Variants in AFDN observed in about 807,000 individuals in gnomAD.
AFDN encodes the protein afadin.
AFDN carries 68 observed loss-of-function variants against 216.6 expected under a neutral mutation model. The ratio of observed to expected loss-of-function variants is 0.31; its 90% CI spans 0.26 to 0.38. The LOEUF (loss-of-function observed/expected upper bound fraction) is 0.38, where lower values mean the gene tolerates loss of function less well. Among genes scored for constraint, AFDN ranks in the 10% least tolerant of loss-of-function variants. The probability of loss-of-function intolerance (pLI) is 1.00; values close to 1 mark genes in which losing one functional copy is unlikely to be tolerated. For synonymous variants in AFDN, 868 were observed against 853.7 expected (o/e 1.02, Z -0.29); for missense variants, 2,136 against 2,342.0 (o/e 0.91, Z 1.82).
intron 23 of AFDN, among the ~76,000 whole-genome samples, chr6:167,934,323 GCTGGGGGTAACTTAC>G (rs1445547969): frequency 2.0e-5 from 3 of 152,166 alleles, no homozygotes; most frequent in African/African-American, 7.2e-5. Context: ...CACCAAACCT[GCTGGGGGTAACTTAC>G]CATGGACTTC....
chr6:167,915,124 G>C, intron 18 of AFDN, 44 bp from the exon 19 acceptor site: 6 of 1,600,778 alleles, frequency 3.7e-6, no homozygotes, highest in Non-Finnish European at 5.1e-6. Flanking sequence ...GCTTCTTCCT[G>C]GATGACATTT....
rs779905129 is a variant in AFDN at position 167,896,986 on chromosome 6, G to A, written c.1317+14G>A. ...AACTCTATCCAGGTACGTAGTCTGA[G>A]CTTCCTGCTGCAACTCTGACATTCC... On this transcript the variant is annotated intron_variant, in intron 10 of 33. Transcript: ENST00000683244. 135 of 1,477,628 alleles carry A rather than the reference G, an allele frequency of 9.1e-5. No individual in the cohort carries two copies. Among genetic ancestry groups the A allele is most frequent in the East Asian group, 8.1e-4 (36 of 44,234 alleles). 91.5% of individuals were successfully genotyped at this position (1,477,628 alleles called of 1,614,324 possible).
At chr6:167,872,180 G>A in intron 3 of AFDN, 34 bp from the exon 4 acceptor site, 1 of 1,589,210 alleles carries the variant, frequency 6.3e-7, no homozygotes, top group South Asian at 1.2e-5. Context: ...ATTCTGCATA[G>A]TAGTCAATAT....
chr6:167,925,133 T>C, intron 23 of AFDN, 42 bp downstream of exon 23: 1 of 1,399,526 alleles, frequency 7.1e-7, no homozygotes, highest in Non-Finnish European at 1.0e-6. Flanking sequence ...CTCCAGTCTT[T>C]CGGCATTGAA....
At chr6:167,947,203 C>T (rs1479035150) in intron 27 of AFDN, among the ~76,000 whole-genome samples, 2 of 148,816 alleles carry the variant, frequency 1.3e-5, no homozygotes, top group South Asian at 2.1e-4. Flanking sequence ...GAGACGGAGT[C>T]TCACTCTCTC....
chr6:167,872,747 A>C (rs1329527936), intron 4 of AFDN, among the ~76,000 whole-genome samples: 1 of 152,240 alleles, frequency 6.6e-6, no homozygotes, highest in South Asian at 2.1e-4. Flanking sequence ...CCTCAGATAC[A>C]CTTAATGCCT....
intron 12 of AFDN, among the ~76,000 whole-genome samples, chr6:167,902,966 G>A (rs1789179957): frequency 6.6e-6 from 1 of 152,198 alleles, no homozygotes; most frequent in South Asian, 2.1e-4. Flanking sequence ...TTGAAGCAGA[G>A]CCTTCATGTT....
chr6:167,881,393 A>C (rs778771452), intron 6 of AFDN, among the ~76,000 whole-genome samples: 1 of 152,224 alleles, frequency 6.6e-6, no homozygotes, highest in Non-Finnish European at 1.5e-5. Flanking sequence ...GTTTAAATGC[A>C]CAAGAACAAA....
chr6:167,828,581 A>C (rs1371815587), intron 1 of AFDN, among the ~76,000 whole-genome samples: 2 of 152,274 alleles, frequency 1.3e-5, no homozygotes, highest in Non-Finnish European at 2.9e-5. Flanking sequence ...GGTTCTAGTA[A>C]GGGAGTTAGT....
intron 21 of AFDN, among the ~76,000 whole-genome samples, chr6:167,920,676 A>G (rs1302303946): frequency 6.6e-6 from 1 of 152,210 alleles, no homozygotes; most frequent in Non-Finnish European, 1.5e-5. Flanking sequence ...GTTGAGCATG[A>G]CATCATCTTC....
intron 23 of AFDN, among the ~76,000 whole-genome samples, chr6:167,938,488 G>T (rs1398266689): frequency 1.3e-5 from 2 of 152,206 alleles, no homozygotes; most frequent in South Asian, 2.1e-4. Context: ...GCCAGAATTT[G>T]TCTGAAATTT....
chr6:167,912,265 G>A (rs1186363320), intron 15 of AFDN: 3 of 152,120 alleles, frequency 2.0e-5, no homozygotes, highest in Non-Finnish European at 4.4e-5. Context: ...AATCTTTAAA[G>A]TTCTTAAAAG....
chr6:167,934,114 A>C (rs1364942759), intron 23 of AFDN, among the ~76,000 whole-genome samples: 1 of 152,150 alleles, frequency 6.6e-6, no homozygotes, highest in Non-Finnish European at 1.5e-5. Flanking sequence ...CACACCTGCA[A>C]ATGTCGCGTG....
chr6:167,839,371 A>G (rs1037425165), intron 1 of AFDN, among the ~76,000 whole-genome samples: 1 of 151,386 alleles, frequency 6.6e-6, no homozygotes, highest in Non-Finnish European at 1.5e-5. Flanking sequence ...TTTTTTTTCC[A>G]GTAATGGCTT....
Position 167,951,888 on chromosome 6 carries a change from C to G in AFDN, c.4534C>G (p.Leu1512Val). The change falls in exon 30 of 34, where the codon CTT (leucine) becomes GTT (valine). Residue 1512 changes from leucine to valine, a missense_variant. By Grantham distance (32) the Leu-to-Val change is conservative. Transcript: ENST00000683244. The surrounding 1 kb of genome is among the most constrained non-coding windows in gnomAD (Gnocchi z 7.1). ...GTACATTACAGTCAGCAAAGAGGAG[C>G]TTTCCTCGGGGGACAGTCTGTCCCC... The part of the protein sequence containing the change: ...LQYITVSKEE[L>V]SSGDSLSPDP... 1 of 1,613,966 alleles carries G rather than the reference C, an allele frequency of 6.2e-7. No individual in the cohort carries two copies. Among genetic ancestry groups the G allele is most frequent in the Non-Finnish European group, 8.5e-7 (1 of 1,179,982 alleles).
chr6:167,885,353 A>G (rs942043813), intron 6 of AFDN, among the ~76,000 whole-genome samples: 3 of 152,174 alleles, frequency 2.0e-5, no homozygotes, highest in Non-Finnish European at 4.4e-5. Flanking sequence ...TGGGCTTTCG[A>G]CATGCCTTTC....
intron 1 of AFDN, among the ~76,000 whole-genome samples, chr6:167,848,034 T>C (rs1449904339): frequency 6.6e-6 from 1 of 152,236 alleles, no homozygotes; most frequent in East Asian, 1.9e-4. Flanking sequence ...TAGAATGTTC[T>C]TTCCCTACAA....
intron 1 of AFDN, among the ~76,000 whole-genome samples, chr6:167,849,586 C>T (rs540060482): frequency 1.3e-5 from 2 of 152,070 alleles, no homozygotes; most frequent in Non-Finnish European, 2.9e-5. Flanking sequence ...TGAGTTCATG[C>T]CTATTGTGTA....
At chr6:167,884,838 G>C (rs770389416) in intron 6 of AFDN, among the ~76,000 whole-genome samples, 1 of 152,140 alleles carries the variant, frequency 6.6e-6, no homozygotes, top group Non-Finnish European at 1.5e-5. Context: ...TTGAAGCTTC[G>C]AAGCCAGGCT....
Sources: gnomAD v4.1 joint callset for allele counts (sites outside exome capture counted in the v4.1 genomes callset) on GRCh38, gnomAD v4.1.1 for gene constraint, Gnocchi (gnomAD v3.1) non-coding constraint, MANE v1.5 for transcripts, NCBI Gene and HGNC (gene_info 2026-07-23, HGNC 2026-07-21) for gene names.